Variants in NTPCR observed in about 807,000 individuals in gnomAD.
NTPCR encodes the protein cancer-related nucleoside-triphosphatase.
In NTPCR, 15 loss-of-function variants were observed where a neutral mutation model predicts 19.5. The observed-to-expected ratio is 0.77, with a 90% CI of 0.51 to 1.18. NTPCR has a LOEUF of 1.18. NTPCR is among the 50% of genes most tolerant of loss of function. The pLI, the probability that NTPCR is intolerant of heterozygous loss-of-function variation, is 0.00. For missense variants in NTPCR, 206 were observed against 240.4 expected (o/e 0.86, Z 0.95); for synonymous variants, 90 against 95.8 (o/e 0.94, Z 0.36).
intron 4 of NTPCR, 104 bp from the exon 5 acceptor site, chr1:232,978,059 A>T: frequency 1.1e-6 from 1 of 903,230 alleles, no homozygotes; most frequent in Admixed American, 2.2e-5. Context: ...AACATACCTC[A>T]CCCTCTCCCA....
chr1:232,965,379 A>T (rs1668785804), intron 3 of NTPCR: 1 of 152,220 alleles, frequency 6.6e-6, no homozygotes, highest in Admixed American at 6.5e-5. Context: ...GTTTTGAGTA[A>T]ATCCCTTAAT....
chr1:232,962,132 A>G (rs1020864873), intron 3 of NTPCR: 1 of 152,124 alleles, frequency 6.6e-6, no homozygotes, highest in African/African-American at 2.4e-5. Flanking sequence ...CTCTATTCCT[A>G]TTTTACAGAT....
In NTPCR at chr1:232,955,550, A is replaced by C. The variant is rs201618473; in HGVS notation, c.35-7A>C. On this transcript the variant is annotated splice_region_variant and splice_polypyrimidine_tract_variant and intron_variant, in intron 1 of 4. Transcript: ENST00000366628. Reference sequence around the variant, plus strand: ...TTCTTCTTTTTTTTTTTTTTTTTTTATTTTAGGAGTTGGAAAAACAACATT... The same window carrying C: ...TTCTTCTTTTTTTTTTTTTTTTTTTCTTTTAGGAGTTGGAAAAACAACATT... 8.9e-7 allele frequency: 1 copy of C among 1,129,534 alleles called. No homozygotes were observed. Among genetic ancestry groups the C allele is most frequent in the Non-Finnish European group, 1.1e-6 (1 of 891,594 alleles). The allele number at this position is 1,129,534 out of a possible 1,614,324, so 70.0% of individuals were successfully genotyped here.
intron 4 of NTPCR, among the ~76,000 whole-genome samples, chr1:232,972,816 C>T (rs761835351): frequency 2.0e-5 from 3 of 152,140 alleles, no homozygotes; most frequent in Non-Finnish European, 2.9e-5. Context: ...ATAAAGTATC[C>T]GAATCCATTT....
At chr1:232,960,687 G>A (rs138969575) in intron 3 of NTPCR, among the ~76,000 whole-genome samples, 3 of 152,002 alleles carry the variant, frequency 2.0e-5, no homozygotes, top group Admixed American at 6.5e-5. Context: ...CATCGTGGTC[G>A]CTCGTGAGAA....
intron 1 of NTPCR, among the ~76,000 whole-genome samples, chr1:232,954,834 G>A (rs567560710): frequency 1.7e-3 from 258 of 152,266 alleles, no homozygotes; most frequent in African/African-American, 6.0e-3. Context: ...AGCTGACCAG[G>A]CTGGATGGAC....
intron 4 of NTPCR, among the ~76,000 whole-genome samples, chr1:232,972,884 G>T (rs535273763): frequency 6.6e-6 from 1 of 152,310 alleles, no homozygotes. Context: ...TGTGAGGCAT[G>T]ATCTCTGCCC....
intron 4 of NTPCR, among the ~76,000 whole-genome samples, chr1:232,973,231 T>C (rs1245882325): frequency 1.3e-5 from 2 of 152,138 alleles, no homozygotes; most frequent in South Asian, 2.1e-4. Flanking sequence ...TGAATATGCA[T>C]AGTGTGAAGA....
chr1:232,968,849 A>G (rs1442933175), intron 3 of NTPCR: 1 of 152,264 alleles, frequency 6.6e-6, no homozygotes, highest in East Asian at 1.9e-4. Context: ...GTCATTCACC[A>G]TTCATTGAAG....
rs957277195 is a variant in NTPCR, at chr1:232,976,359, A to G, written c.505-1804A>G. On this transcript the variant is annotated intron_variant, in intron 4 of 4. Transcript: ENST00000366628. Reference sequence around the variant, plus strand: ...CTCTGTAGTCACCGTACTGTGTCATAGAAGACCAGAGCAAATTCTCCAGCT... The same window carrying G: ...CTCTGTAGTCACCGTACTGTGTCATGGAAGACCAGAGCAAATTCTCCAGCT... 3.4e-5 allele frequency: 53 copies of G among 1,546,398 alleles called. No individual in the cohort carries two copies. In the African/African-American group the frequency reaches 7.0e-4, roughly 20 times the overall value.
At position 232,978,348 on chromosome 1, in the gene NTPCR, G is replaced by C; in HGVS notation, c.*117G>C. 2 of 765,442 alleles carry C rather than the reference G, an allele frequency of 2.6e-6. No homozygotes were observed. The allele number at this position is 765,442 out of a possible 1,614,324, so 47.4% of individuals were successfully genotyped here. On this transcript the variant is annotated 3_prime_UTR_variant, in exon 5 of 5. Transcript: ENST00000366628. ...TTATGGAACCTTGTGGGCTTTTCTA[G>C]AGAAAACTCAACAGCTGTTTCCCAT...
chr1:232,981,603 AAATTTAGAATC>A lies in NTPCR; in HGVS notation c.*3376_*3386del, dbSNP rs1248583303. On this transcript the variant is annotated 3_prime_UTR_variant, in exon 5 of 5. Coordinates refer to ENST00000366628, the MANE Select transcript of NTPCR (RefSeq NM_032324.3). Reference sequence around the variant, plus strand: ...TGCCAGATGATTTCAACACACTGCAAAATTTAGAATCAATAATGCCAAATTGGCCACATGAT... The same window carrying A: ...TGCCAGATGATTTCAACACACTGCAAAATAATGCCAAATTGGCCACATGAT... 1 of 152,238 alleles carries A rather than the reference AAATTTAGAATC, an allele frequency of 6.6e-6. No individual in the cohort carries two copies. The highest frequency in any genetic ancestry group is 2.4e-5 in the African/African-American group (1 of 41,458). The allele number at this position is 152,238 out of a possible 1,614,324, so 9.4% of individuals were successfully genotyped here. A position where few individuals can be genotyped will look rare whatever the true frequency, so the allele number is the denominator to read the frequency against.
Position 232,955,694 on chromosome 1 carries a change from A to T in NTPCR, c.172A>T (p.Thr58Ser). 6.2e-7 allele frequency: 1 copy of T among 1,613,856 alleles called. No individual in the cohort carries two copies. The highest frequency in any genetic ancestry group is 2.2e-5 in the East Asian group (1 of 44,878). ...ATTCGATGTCGTCACGTTGTCCGGC[A>T]CCCGGGGGCCTTTATCGAGAGTTGG... The part of the protein sequence containing the change: ...IGFDVVTLSG[T>S]RGPLSRVGLE... Residue 58 changes from threonine to serine, a missense_variant, in exon 2 of 5, where the codon ACC (threonine) becomes TCC (serine). Physicochemically the swap from Thr to Ser is moderately conservative, Grantham distance 58. Coordinates refer to ENST00000366628, the MANE Select transcript of NTPCR (RefSeq NM_032324.3).
rs750850156 is a variant in NTPCR, at chr1:232,955,559, G to C, written c.37G>C (p.Val13Leu). Residue 13 changes from valine (V) to leucine (L), a missense_variant and splice_region_variant, in exon 2 of 5, where the codon GTT becomes CTT. By Grantham distance (32) the Val-to-Leu change is conservative. Coordinates refer to ENST00000366628, the MANE Select transcript of NTPCR (RefSeq NM_032324.3). The part of the protein sequence containing the change: ...RHVFLTGPPG[V>L]GKTTLIHKAS... ...TTTTTTTTTTTTTTTTATTTTAGGA[G>C]TTGGAAAAACAACATTGATCCATAA... 6.9e-7 allele frequency: 1 copy of C among 1,446,568 alleles called. No homozygotes were observed. Among genetic ancestry groups the C allele is most frequent in the Admixed American group, 2.5e-5 (1 of 40,550 alleles). The allele number at this position is 1,446,568 out of a possible 1,614,324, so 89.6% of individuals were successfully genotyped here.
intron 1 of NTPCR, chr1:232,951,022 G>A (rs900813680): frequency 2.2e-6 from 1 of 451,978 alleles, no homozygotes; most frequent in Non-Finnish European, 3.9e-6. Context: ...CAGCGGCAGC[G>A]GTAACTCCTA....
intron 4 of NTPCR, 48 bp from the exon 5 acceptor site, chr1:232,978,112 TGAA>T: frequency 6.8e-7 from 1 of 1,474,372 alleles, no homozygotes; most frequent in South Asian, 1.1e-5. Context: ...AGCACAAGAT[TGAA>T]GAAGAGGAAA....
rs1669321761 is a variant in NTPCR at position 232,983,009 on chromosome 1, G to A, written c.*4778G>A. On this transcript the variant is annotated 3_prime_UTR_variant, in exon 5 of 5. Coordinates refer to ENST00000366628, the MANE Select transcript of NTPCR (RefSeq NM_032324.3). ...CTAGGGAGTGCTGACCTGAAAATAA[G>A]AACCTTCTGTCTGTGATTATAGAGT... 1 of 151,998 alleles carries A rather than the reference G, an allele frequency of 6.6e-6. No homozygotes were observed. The highest frequency in any genetic ancestry group is 2.4e-5 in the African/African-American group (1 of 41,374). The allele number at this position is 151,998 out of a possible 1,614,324, so 9.4% of individuals were successfully genotyped here. A position where few individuals can be genotyped will look rare whatever the true frequency, so the allele number is the denominator to read the frequency against.
chr1:232,950,821 C>T (rs2102732443), intron 1 of NTPCR, 77 bp downstream of exon 1: 3 of 964,538 alleles, frequency 3.1e-6, no homozygotes, highest in South Asian at 3.3e-5. Context: ...CTTGTGCTGT[C>T]GGGGAGGGTC....
intron 4 of NTPCR, chr1:232,976,278 G>T: frequency 1.4e-6 from 2 of 1,417,418 alleles, no homozygotes; most frequent in South Asian, 3.3e-5. Flanking sequence ...TTGTGGTGAT[G>T]ACATTCAAAA....
Sources: gnomAD v4.1 joint callset for allele counts (sites outside exome capture counted in the v4.1 genomes callset) on GRCh38, gnomAD v4.1.1 for gene constraint, MANE v1.5 for transcripts, NCBI Gene and HGNC (gene_info 2026-07-23, HGNC 2026-07-21) for gene names.